ADGRV1: variants seen among roughly 807,000 people sequenced by gnomAD.
The protein encoded by ADGRV1 is adhesion G protein-coupled receptor V1.
ADGRV1 carries 359 observed loss-of-function variants against 596.2 expected under a neutral mutation model. The observed-to-expected ratio is 0.60, with a 90% CI of 0.55 to 0.66. The LOEUF (loss-of-function observed/expected upper bound fraction) is 0.66, where lower values mean the gene tolerates loss of function less well. ADGRV1 is among the 30% of genes least tolerant of loss of function. The pLI, the probability that ADGRV1 is intolerant of heterozygous loss-of-function variation, is 0.00. For missense variants in ADGRV1, 7,274 were observed against 7,575.6 expected (o/e 0.96, Z 1.48); for synonymous variants, 2,681 against 2,679.2 (o/e 1.00, Z -0.02).
chr5:90,688,588 C>G (rs1316641152), intron 29 of ADGRV1, among the ~76,000 whole-genome samples: 1 of 152,130 alleles, frequency 6.6e-6, no homozygotes, highest in African/African-American at 2.4e-5. Flanking sequence ...ATCTCTTGAC[C>G]TCATGATCCG....
intron 85 of ADGRV1, among the ~76,000 whole-genome samples, chr5:90,986,428 TG>T (rs1364302651): frequency 6.6e-6 from 1 of 152,106 alleles, no homozygotes; most frequent in African/African-American, 2.4e-5. Context: ...TTATTGCTTA[TG>T]ATCAATTATA....
rs41315916 is a variant in ADGRV1 at position 91,163,704 on chromosome 5, G to A, written c.18803-78G>A. On this transcript the variant is annotated intron_variant, in intron 89 of 89. Coordinates refer to ENST00000405460, the MANE Select transcript of ADGRV1 (RefSeq NM_032119.4). ...AATATAATAGAAATAAACAGGCTTG[G>A]ACCTAATGTAAATTGATTCTTAAGA... The A allele has an allele frequency of 4.5e-5, 28 of 618,690 alleles. 1 individual carries two copies. The South Asian group carries it at 5.4e-4, about 12-fold the overall frequency. The allele number at this position is 618,690 out of a possible 1,614,324, so 38.3% of individuals were successfully genotyped here.
At chr5:90,998,537 T>A (rs1386121651) in intron 85 of ADGRV1, among the ~76,000 whole-genome samples, 5 of 152,178 alleles carry the variant, frequency 3.3e-5, no homozygotes, top group Non-Finnish European at 5.9e-5. Flanking sequence ...TCAACCTTTT[T>A]GACAGACTTC....
At position 90,778,546 on chromosome 5, in the gene ADGRV1, C is replaced by T. The variant is rs201777525; in HGVS notation, c.12786C>T (p.Ser4262=). ...CTGCCAACATCACGGTGGTGGCCAG[C>T]GACTCTCCCTATGGCCGATTTGCCT... The part of the protein sequence containing the change: ...SSTANITVVA[S]DSPYGRFAFS... The change falls in exon 63 of 90, where the codon AGC becomes AGT. Residue 4262 remains serine (S), a synonymous_variant. Coordinates refer to ENST00000405460, the MANE Select transcript of ADGRV1 (RefSeq NM_032119.4). 4.4e-5 allele frequency: 71 copies of T among 1,611,920 alleles called. No homozygotes were observed. Among genetic ancestry groups the T allele is most frequent in the Admixed American group, 1.7e-5 (1 of 59,812 alleles).
At position 90,855,815 on chromosome 5, in the gene ADGRV1, T is replaced by A. The variant is rs142905845; in HGVS notation, c.17669T>A (p.Met5890Lys). ...TATGTGGAATGTGCCTGTTCACACA[T>A]GTCTGTGTATGCTGTCTATGCTCGG... ...ADYVECACSHMSVYAVYARTD... is the reference protein window; with the variant it reads ...ADYVECACSHKSVYAVYARTD... The change falls in exon 82 of 90, where the codon ATG (methionine) becomes AAG (lysine). Residue 5890 changes from methionine (M) to lysine (K), a missense_variant. Physicochemically the swap from Met to Lys is moderately conservative, Grantham distance 95. Around this residue, in one of 5 missense-constraint regions of ADGRV1, gnomAD observed 1,874 missense variants for 1,970.2 expected, o/e 0.95. Coordinates refer to ENST00000405460, the MANE Select transcript of ADGRV1 (RefSeq NM_032119.4). 15 of 1,607,384 alleles carry A rather than the reference T, an allele frequency of 9.3e-6. No homozygotes were observed. In the African/African-American group the frequency reaches 1.3e-4, roughly 14 times the overall value.
At chr5:90,677,989 C>G (rs1744459484) in intron 25 of ADGRV1, among the ~76,000 whole-genome samples, 1 of 152,160 alleles carries the variant, frequency 6.6e-6, no homozygotes, top group Non-Finnish European at 1.5e-5. Flanking sequence ...TAGCCACAAC[C>G]TGAATAGATG....
intron 79 of ADGRV1, 112 bp downstream of exon 79, chr5:90,848,933 T>G (rs1032559054): frequency 7.0e-6 from 5 of 710,894 alleles, no homozygotes; most frequent in Non-Finnish European, 8.9e-6. Flanking sequence ...AATGATACAG[T>G]CAATGCATTG....
intron 89 of ADGRV1, among the ~76,000 whole-genome samples, chr5:91,154,406 T>C (rs1796300416): frequency 6.6e-6 from 1 of 152,230 alleles, no homozygotes; most frequent in Admixed American, 6.5e-5. Flanking sequence ...TTTTATTATA[T>C]CTTGAAAAAT....
intron 83 of ADGRV1, among the ~76,000 whole-genome samples, chr5:90,942,089 ATTG>A (rs1776208068): frequency 6.6e-6 from 1 of 152,216 alleles, no homozygotes. Flanking sequence ...AATAATTTGC[ATTG>A]TTAACTAGCC....
intron 85 of ADGRV1, among the ~76,000 whole-genome samples, chr5:90,986,221 A>G (rs1780493771): frequency 6.6e-6 from 1 of 151,318 alleles, no homozygotes; most frequent in African/African-American, 2.4e-5. Flanking sequence ...AACACTTTGC[A>G]ATAATAAAGC....
intron 86 of ADGRV1, among the ~76,000 whole-genome samples, chr5:91,088,425 G>A (rs990038878): frequency 5.3e-5 from 8 of 151,668 alleles, no homozygotes; most frequent in Non-Finnish European, 8.8e-5. Context: ...AACTCCACCC[G>A]GTAAAAAAAT....
At chr5:90,623,564 A>C (rs1170457980) in intron 5 of ADGRV1, among the ~76,000 whole-genome samples, 1 of 152,048 alleles carries the variant, frequency 6.6e-6, no homozygotes, top group Non-Finnish European at 1.5e-5. Context: ...GGTGTGCATC[A>C]CCATGCCCAG....
Position 90,622,632 on chromosome 5 carries a change from A to C in ADGRV1, c.489A>C (p.Arg163Ser), listed in dbSNP as rs1485026735. The change falls in exon 5 of 90, where the codon AGA (arginine) becomes AGC (serine). Residue 163 changes from arginine to serine, a missense_variant. Arg to Ser is a moderately radical substitution (Grantham distance 110). This residue lies in a region of ADGRV1 where 1,715 missense variants were observed against 1,708.8 expected (regional missense o/e 1.00). Transcript: ENST00000405460. ...TCGCAGTGAGTGAGCCCAAGGGCAG[A>C]AATGAGTCTATGCCTCTTACTCTCA... ...PSIAVSEPKG[R>S]NESMPLTLIR... 1.3e-6 allele frequency: 2 copies of C among 1,508,346 alleles called. No individual in the cohort carries two copies. The highest frequency in any genetic ancestry group is 8.9e-7 in the Non-Finnish European group (1 of 1,127,084). The allele number at this position is 1,508,346 out of a possible 1,614,324, so 93.4% of individuals were successfully genotyped here.
Position 90,753,564 on chromosome 5 carries a change from A to G in ADGRV1, c.11122-10A>G. 1 of 1,574,972 alleles carries G rather than the reference A, an allele frequency of 6.3e-7. No homozygotes were observed. ...AAAATAAATAACATCTTCTTTCTTT[A>G]AAATTCTAGATTTTATTTACTGAAG... On this transcript the variant is annotated splice_polypyrimidine_tract_variant and intron_variant, in intron 53 of 89. Coordinates refer to ENST00000405460, the MANE Select transcript of ADGRV1 (RefSeq NM_032119.4).
intron 24 of ADGRV1, among the ~76,000 whole-genome samples, chr5:90,675,858 C>T (rs929412059): frequency 9.9e-5 from 15 of 151,768 alleles, no homozygotes; most frequent in Non-Finnish European, 2.1e-4. Context: ...AAATAATCTA[C>T]TTTATCTAAT....
At chr5:91,090,718 G>C (rs1582026836) in intron 86 of ADGRV1, among the ~76,000 whole-genome samples, 1 of 151,952 alleles carries the variant, frequency 6.6e-6, no homozygotes, top group Non-Finnish European at 1.5e-5. Flanking sequence ...TCAGAAGGTA[G>C]TCGGTGGAAG....
chr5:90,597,537 A>T (rs1344647442), intron 1 of ADGRV1, among the ~76,000 whole-genome samples: 1 of 152,220 alleles, frequency 6.6e-6, no homozygotes, highest in Non-Finnish European at 1.5e-5. Flanking sequence ...AAAGGATAAG[A>T]GTTGCACTGG....
intron 87 of ADGRV1, among the ~76,000 whole-genome samples, chr5:91,111,315 A>G (rs1248511170): frequency 6.6e-6 from 1 of 152,078 alleles, no homozygotes; most frequent in Admixed American, 6.6e-5. Flanking sequence ...GTTGAATTTC[A>G]GTTTTAAAAT....
At chr5:90,828,812 A>C (rs2150319889) in intron 76 of ADGRV1, 132 bp from the exon 77 acceptor site, 1 of 500,614 alleles carries the variant, frequency 2.0e-6, no homozygotes, top group Non-Finnish European at 3.1e-6. Flanking sequence ...ATTATACAGA[A>C]TATATCTCTA....
Sources: allele counts gnomAD v4.1 joint callset (sites outside exome capture counted in the v4.1 genomes callset), GRCh38; gene constraint gnomAD v4.1.1; regional missense constraint gnomAD v4.1.1; transcripts MANE v1.5; gene names NCBI Gene and HGNC (gene_info 2026-07-23, HGNC 2026-07-21).